Variants in PLA2G4D observed in about 807,000 individuals in gnomAD.
PLA2G4D encodes cytosolic phospholipase A2 delta.
Under a neutral mutation model 94.4 loss-of-function variants are expected in PLA2G4D, and 80 were observed. The ratio of observed to expected loss-of-function variants is 0.85; its 90% CI spans 0.71 to 1.02. PLA2G4D has a LOEUF of 1.02. Ranked by LOEUF, PLA2G4D falls within the 50% of genes least tolerant of loss-of-function variation. The probability of loss-of-function intolerance (pLI) is 0.00; values close to 1 mark genes in which losing one functional copy is unlikely to be tolerated. For missense variants in PLA2G4D, 1,050 were observed against 1,034.7 expected, an observed-to-expected ratio of 1.01 and a Z score of -0.20; for synonymous variants, 438 against 440.9, an observed-to-expected ratio of 0.99 and a Z score of 0.08.
In PLA2G4D at chr15:42,070,744, G is replaced by T; in HGVS notation, c.2016C>A (p.Phe672Leu). The T allele has an allele frequency of 6.4e-7, 1 of 1,569,578 alleles. No homozygotes were observed. Among genetic ancestry groups the T allele is most frequent in the Non-Finnish European group, 8.6e-7 (1 of 1,156,220 alleles). Residue 672 changes from phenylalanine to leucine, a missense_variant, in exon 18 of 20, where the codon TTC (phenylalanine) becomes TTA (leucine). Phe to Leu is a conservative substitution (Grantham distance 22, BLOSUM62 0). Coordinates refer to ENST00000290472, the MANE Select transcript of PLA2G4D (RefSeq NM_178034.4). ...CGAAGGGCGCAGATAGGGAGTAGTC[G>T]AAGGAGAGGATGAGGTCCAGCCTGC... ...PGRRLDLILS[F>L]DYSLSAPFEA... is the part of the protein sequence containing the mutation.
chr15:42,085,068 C>T, intron 6 of PLA2G4D, 28 bp downstream of exon 6: 1 of 1,613,812 alleles, frequency 6.2e-7, no homozygotes, highest in Non-Finnish European at 8.5e-7. Flanking sequence ...TCTGGGGCCC[C>T]TCCCCTAAGC....
At chr15:42,088,192 A>G (rs1469735800) in intron 1 of PLA2G4D, among the ~76,000 whole-genome samples, 1 of 152,230 alleles carries the variant, frequency 6.6e-6, no homozygotes, top group Non-Finnish European at 1.5e-5. Flanking sequence ...AGCCCAGTCC[A>G]CAGGCGCTAC....
rs916133487 is a variant in PLA2G4D at position 42,069,828 on chromosome 15, C to T, written c.2230+81G>A. The T allele has an allele frequency of 5.8e-6, 7 of 1,208,508 alleles. No homozygotes were observed. In the African/African-American group the frequency reaches 1.1e-4, roughly 19 times the overall value. The allele number at this position is 1,208,508 out of a possible 1,614,324, so 74.9% of individuals were successfully genotyped here. On this transcript the variant is annotated intron_variant, in intron 19 of 19. Transcript: ENST00000290472. ...TTCTCCTGGCAGACTCATTTCCCTT[C>T]CCTCTGCTGGGCAGCCGGGGGGCCC...
chr15:42,086,194 T>TTGGGGGGGGGGGGGGGGG lies in PLA2G4D; in HGVS notation c.387+18_387+19insCCCCCCCCCCCCCCCCCA. 2.2e-4 allele frequency: 301 copies of TTGGGGGGGGGGGGGGGGG among 1,370,118 alleles called. No individual in the cohort carries two copies. Among genetic ancestry groups the TTGGGGGGGGGGGGGGGGG allele is most frequent in the East Asian group, 3.2e-4 (12 of 37,144 alleles). The allele number at this position is 1,370,118 out of a possible 1,614,324, so 84.9% of individuals were successfully genotyped here. On this transcript the variant is annotated intron_variant, in intron 4 of 19. Coordinates refer to ENST00000290472, the MANE Select transcript of PLA2G4D (RefSeq NM_178034.4). The stretch of plus-strand genomic sequence containing the variant: ...GGAAGAAGTGGGGCCCACGGGGACT[T>TTGGGGGGGGGGGGGGGGG]CCCCACCCACCCACCCACCTGGGGA...
At chr15:42,079,421 A>C in intron 13 of PLA2G4D, 116 bp downstream of exon 13, 1 of 1,032,286 alleles carries the variant, frequency 9.7e-7, no homozygotes, top group Non-Finnish European at 1.4e-6. Flanking sequence ...CAGACACTAA[A>C]ACACTGGCTC....
rs1419717417 is a variant in PLA2G4D at position 42,081,271 on chromosome 15, G to C, written c.958-138C>G. On this transcript the variant is annotated intron_variant, in intron 11 of 19. Coordinates refer to ENST00000290472, the MANE Select transcript of PLA2G4D (RefSeq NM_178034.4). ...TCCTGATAGAGTCAGGGTTAGAGCT[G>C]GGTCCAGCCCTCCTCTGGAAGCAAT... 3.4e-6 allele frequency: 5 copies of C among 1,451,484 alleles called. No individual in the cohort carries two copies. In the African/African-American group the frequency reaches 7.1e-5, roughly 21 times the overall value. The allele number at this position is 1,451,484 out of a possible 1,614,324, so 89.9% of individuals were successfully genotyped here.
At chr15:42,069,515 G>A (rs950018734) in intron 19 of PLA2G4D, among the ~76,000 whole-genome samples, 3 of 152,080 alleles carry the variant, frequency 2.0e-5, no homozygotes, top group African/African-American at 7.2e-5. Flanking sequence ...TTTAAATTTC[G>A]GGAGCCCCTG....
At chr15:42,079,484 C>T in intron 13 of PLA2G4D, 53 bp downstream of exon 13, 5 of 1,517,432 alleles carry the variant, frequency 3.3e-6, no homozygotes, top group South Asian at 1.2e-5. Context: ...GGAGCCCTGC[C>T]TTCGCCCCCG....
rs372877660 is a variant in PLA2G4D, at chr15:42,079,799, C to T, written c.1095-40G>A. ...GGACAGAACAGTAGGAGCCCGAGGC[C>T]CAGCATGGGGCGCTGCAACTCCTGC... On this transcript the variant is annotated intron_variant, in intron 12 of 19. Transcript: ENST00000290472. 3.9e-4 allele frequency: 611 copies of T among 1,568,362 alleles called. 1 individual carries two copies. Among genetic ancestry groups the T allele is most frequent in the Admixed American group, 1.2e-3 (63 of 50,644 alleles).
At chr15:42,070,279 T>TA (rs1889778091) in intron 18 of PLA2G4D, 184 bp from the exon 19 acceptor site, 2 of 591,038 alleles carry the variant, frequency 3.4e-6, no homozygotes, top group Admixed American at 7.8e-5. Context: ...TCTGGTGGTC[T>TA]GCAATGTTGT....
intron 18 of PLA2G4D, 136 bp from the exon 19 acceptor site, chr15:42,070,231 G>T: frequency 1.2e-6 from 1 of 852,848 alleles, no homozygotes; most frequent in Non-Finnish European, 1.7e-6. Context: ...CCAAGCTGCA[G>T]AGTGACTCGG....
intron 18 of PLA2G4D, 57 bp from the exon 19 acceptor site, chr15:42,070,152 C>T: frequency 7.2e-7 from 1 of 1,393,798 alleles, no homozygotes; most frequent in South Asian, 1.5e-5. Flanking sequence ...AATGCTGGGC[C>T]AGTTCCAGCC....
intron 1 of PLA2G4D, among the ~76,000 whole-genome samples, chr15:42,091,896 G>A (rs1163871253): frequency 6.6e-6 from 1 of 152,136 alleles, no homozygotes; most frequent in African/African-American, 2.4e-5. Flanking sequence ...CCTGTCCAGT[G>A]GACACGTGAC....
chr15:42,074,191 C>T (rs1889878395), intron 13 of PLA2G4D, among the ~76,000 whole-genome samples: 1 of 152,012 alleles, frequency 6.6e-6, no homozygotes, highest in Admixed American at 6.6e-5. Context: ...GTCAGCACAC[C>T]CCTCCATCTA....
At chr15:42,085,188 C>T (rs760381377) in intron 5 of PLA2G4D, 50 bp from the exon 6 acceptor site, 17 of 1,608,304 alleles carry the variant, frequency 1.1e-5, no homozygotes, top group Non-Finnish European at 1.3e-5. Context: ...ATTGACCTCC[C>T]GCTCCCGCCC....
At chr15:42,086,995 C>T (rs1163200216) in intron 3 of PLA2G4D, among the ~76,000 whole-genome samples, 2 of 152,178 alleles carry the variant, frequency 1.3e-5, no homozygotes, top group African/African-American at 4.8e-5. Flanking sequence ...CGGTCTTCCA[C>T]GCATTATCTC....
chr15:42,084,776 C>G lies in PLA2G4D; in HGVS notation c.471+320G>C, dbSNP rs752162789. ...GCCTACCTGATTTCTTCACCGCTTC[C>G]CAGGGAAGCACTCAGTCAATCCCTA... On this transcript the variant is annotated intron_variant, in intron 6 of 19. Transcript: ENST00000290472. The surrounding 1 kb of genome is among the most constrained non-coding windows in gnomAD (Gnocchi z 4.8). 2.6e-5 allele frequency among the ~76,000 whole-genome samples: 4 copies of G among 152,186 alleles called. No homozygotes were observed. Among genetic ancestry groups the G allele is most frequent in the African/African-American group, 4.8e-5 (2 of 41,444 alleles).
At chr15:42,083,584 G>T in intron 7 of PLA2G4D, 132 bp downstream of exon 7, 2 of 1,203,430 alleles carry the variant, frequency 1.7e-6, no homozygotes, top group Non-Finnish European at 2.4e-6. Flanking sequence ...GTGGCCCTCT[G>T]TGCCATGTGG....
rs1734439061 is a variant in PLA2G4D, at chr15:42,081,038, T to G, written c.1053A>C (p.Leu351=). ...TGCCACTGAAGTAGGTCACACAGTC[T>G]AGGAGGCCCAGCTTCTGCAAGGCCA... ...HLLALQKLGL[L]DCVTYFSGIS... The change falls in exon 12 of 20, where the codon CTA becomes CTC. Residue 351 remains leucine, a synonymous_variant. Transcript: ENST00000290472. The G allele has an allele frequency of 1.9e-6, 3 of 1,614,090 alleles. No individual in the cohort carries two copies. The South Asian group carries it at 3.3e-5, about 18-fold the overall frequency.
Sources: allele counts gnomAD v4.1 joint callset (sites outside exome capture counted in the v4.1 genomes callset), GRCh38; gene constraint gnomAD v4.1.1; non-coding constraint Gnocchi (gnomAD v3.1); transcripts MANE v1.5; gene names NCBI Gene and HGNC (gene_info 2026-07-23, HGNC 2026-07-21).